The following DOCK9 variants were observed in gnomAD, a reference collection of about 807,000 sequenced individuals.
The protein encoded by DOCK9 is dedicator of cytokinesis 9.
DOCK9 carries 89 observed loss-of-function variants against 263.3 expected under a neutral mutation model. The ratio of observed to expected loss-of-function variants is 0.34; its 90% confidence interval spans 0.28 to 0.40. The LOEUF is 0.40. DOCK9 is among the 10% of genes least tolerant of loss of function. The probability of loss-of-function intolerance (pLI) is 1.00; values close to 1 mark genes in which losing one functional copy is unlikely to be tolerated. For missense variants in DOCK9, 2,140 were observed against 2,603.4 expected, an observed-to-expected ratio of 0.82 and a Z score of 3.87; for synonymous variants, 976 against 973.1, an observed-to-expected ratio of 1.00 and a Z score of -0.06.
At chr13:98,836,547 C>T (rs949674523) in intron 39 of DOCK9, among the ~76,000 whole-genome samples, 1 of 152,130 alleles carries the variant, frequency 6.6e-6, no homozygotes, top group Non-Finnish European at 1.5e-5. Context: ...ATACCACACT[C>T]TGAGAGCCCC....
intron 36 of DOCK9, among the ~76,000 whole-genome samples, chr13:98,849,133 T>G (rs1383430837): frequency 6.6e-6 from 1 of 152,206 alleles, no homozygotes; most frequent in Non-Finnish European, 1.5e-5. Flanking sequence ...ATCATGTATT[T>G]AATGAGGTAG....
At chr13:98,797,520 C>T (rs1186081973) in intron 50 of DOCK9, 31 bp from the exon 51 acceptor site, 3 of 1,565,042 alleles carry the variant, frequency 1.9e-6, no homozygotes, top group Non-Finnish European at 2.6e-6. Flanking sequence ...TTCAGTTCCA[C>T]TAGGAAGAAA....
chr13:99,030,036 T>C (rs1887169373), intron 1 of DOCK9, among the ~76,000 whole-genome samples: 1 of 152,236 alleles, frequency 6.6e-6, no homozygotes, highest in Non-Finnish European at 1.5e-5. Context: ...GGCTACCTAC[T>C]GAGTGATTCC....
intron 2 of DOCK9, among the ~76,000 whole-genome samples, chr13:98,937,571 C>T (rs2055084874): frequency 6.6e-6 from 1 of 152,124 alleles, no homozygotes; most frequent in Admixed American, 6.5e-5. Flanking sequence ...GGACAGGAGT[C>T]TTATAGGAAG....
intron 47 of DOCK9, 110 bp downstream of exon 47, chr13:98,809,242 G>C (rs954034576): frequency 1.6e-6 from 2 of 1,234,066 alleles, no homozygotes; most frequent in Admixed American, 2.4e-5. Context: ...AGCAATTACA[G>C]AAAACAGAGA....
At chr13:99,083,710 G>A (rs2042219667) in intron 1 of DOCK9, among the ~76,000 whole-genome samples, 1 of 152,120 alleles carries the variant, frequency 6.6e-6, no homozygotes, top group African/African-American at 2.4e-5. Context: ...GAAAAATGAA[G>A]CTATTGAACA....
chr13:99,081,082 T>C (rs1388458805), intron 1 of DOCK9, among the ~76,000 whole-genome samples: 4 of 152,208 alleles, frequency 2.6e-5, no homozygotes, highest in Non-Finnish European at 5.9e-5. Context: ...GCCTCCACCC[T>C]GCTTCCGATA....
chr13:98,877,302 A>G (rs1204347440), intron 27 of DOCK9, among the ~76,000 whole-genome samples: 1 of 152,324 alleles, frequency 6.6e-6, no homozygotes, highest in African/African-American at 2.4e-5. Context: ...TTAAAGTGCT[A>G]TGGTTTAATT....
At chr13:98,989,316 A>AATAATG (rs1879213527) in intron 1 of DOCK9, among the ~76,000 whole-genome samples, 1 of 138,156 alleles carries the variant, frequency 7.2e-6, no homozygotes, top group Non-Finnish European at 1.5e-5. Context: ...AATTAATAAT[A>AATAATG]ATGATGATGA....
At chr13:99,028,545 T>A (rs1887013888) in intron 1 of DOCK9, among the ~76,000 whole-genome samples, 1 of 152,198 alleles carries the variant, frequency 6.6e-6, no homozygotes, top group South Asian at 2.1e-4. Flanking sequence ...TATTTCCTTC[T>A]TGCTTTTGGA....
intron 1 of DOCK9, among the ~76,000 whole-genome samples, chr13:99,036,746 G>A (rs1357807528): frequency 6.6e-6 from 1 of 152,096 alleles, no homozygotes; most frequent in Non-Finnish European, 1.5e-5. Flanking sequence ...CACCATGTTG[G>A]CCAGGATAGT....
chr13:98,956,619 C>A (rs1434844708), intron 1 of DOCK9, among the ~76,000 whole-genome samples: 1 of 152,028 alleles, frequency 6.6e-6, no homozygotes, highest in African/African-American at 2.4e-5. Context: ...TGGTGGCATA[C>A]GCTTGTAATC....
intron 1 of DOCK9, among the ~76,000 whole-genome samples, chr13:99,069,137 G>T (rs1281905831): frequency 3.9e-5 from 6 of 152,166 alleles, no homozygotes; most frequent in Non-Finnish European, 8.8e-5. Flanking sequence ...AATAGGCCTA[G>T]GGAGGTTTTT....
At chr13:98,837,078 T>TA (rs1468689643) in intron 39 of DOCK9, among the ~76,000 whole-genome samples, 1 of 152,186 alleles carries the variant, frequency 6.6e-6, no homozygotes, top group Non-Finnish European at 1.5e-5. Flanking sequence ...CAGTAACAGA[T>TA]AAAAAACTGA....
At chr13:99,058,542 T>A (rs149127845) in intron 1 of DOCK9, among the ~76,000 whole-genome samples, 4,206 of 152,218 alleles carry the variant, frequency 0.028, 95 homozygotes, top group South Asian at 0.063. Flanking sequence ...TCTGCTTGTG[T>A]CAGCAGGTCC....
At chr13:98,857,149 C>T (rs1262894401) in intron 33 of DOCK9, 2 of 152,138 alleles carry the variant, frequency 1.3e-5, no homozygotes, top group Middle Eastern at 3.2e-3. Context: ...GCGGAAAGGC[C>T]TGGCTGGTTT....
At chr13:98,824,130 C>T (rs768663314) in intron 45 of DOCK9, among the ~76,000 whole-genome samples, 1 of 152,188 alleles carries the variant, frequency 6.6e-6, no homozygotes, top group Non-Finnish European at 1.5e-5. Flanking sequence ...GAACTTTTAC[C>T]GGATGTGCTC....
chr13:99,062,221 CA>C (rs1298360791), intron 1 of DOCK9, among the ~76,000 whole-genome samples: 1 of 152,170 alleles, frequency 6.6e-6, no homozygotes, highest in Non-Finnish European at 1.5e-5. Flanking sequence ...GAGCATCTGA[CA>C]AGCCAACTTC....
At chr13:98,844,059 C>A (rs2093313261) in intron 38 of DOCK9, among the ~76,000 whole-genome samples, 1 of 152,184 alleles carries the variant, frequency 6.6e-6, no homozygotes, top group African/African-American at 2.4e-5. Flanking sequence ...CAAAGGAGGT[C>A]CAGCAGGTTC....
Sources: gnomAD v4.1 joint callset for allele counts (sites outside exome capture counted in the v4.1 genomes callset) on GRCh38, gnomAD v4.1.1 for gene constraint, MANE v1.5 for transcripts, NCBI Gene and HGNC (gene_info 2026-07-23, HGNC 2026-07-21) for gene names.